Variants in ATP2B2 observed in about 807,000 individuals in gnomAD.
The protein encoded by ATP2B2 is plasma membrane calcium-transporting ATPase 2.
Under a neutral mutation model 120.0 loss-of-function variants are expected in ATP2B2, and 15 were observed. The ratio of observed to expected loss-of-function variants is 0.12; its 90% CI spans 0.08 to 0.19. The LOEUF is 0.19. Among genes scored for constraint, ATP2B2 ranks in the 10% least tolerant of loss-of-function variants. ATP2B2 has a pLI of 1.00. For synonymous variants in ATP2B2, 694 were observed against 700.3 expected, an observed-to-expected ratio of 0.99 and a Z score of 0.14; for missense variants, 1,045 against 1,719.8, an observed-to-expected ratio of 0.61 and a Z score of 6.94.
intron 3 of ATP2B2, among the ~76,000 whole-genome samples, chr3:10,533,297 C>T (rs1313338910): frequency 1.3e-5 from 2 of 152,198 alleles, no homozygotes; most frequent in Non-Finnish European, 2.9e-5. Flanking sequence ...ATGGCTGCCC[C>T]ATTTAACTAA....
intron 12 of ATP2B2, among the ~76,000 whole-genome samples, chr3:10,366,165 G>A (rs1055129455): frequency 2.0e-5 from 3 of 152,154 alleles, no homozygotes; most frequent in Non-Finnish European, 2.9e-5. Context: ...GGGGGACTTT[G>A]AGGCTCACTC....
In ATP2B2 at chr3:10,345,654, C is replaced by A. The variant is rs1290316946; in HGVS notation, c.2512-79G>T. The A allele has an allele frequency of 1.2e-5, 17 of 1,382,890 alleles. No homozygotes were observed. The Admixed American group carries it at 2.7e-4, about 22-fold the overall frequency. The allele number at this position is 1,382,890 out of a possible 1,614,324, so 85.7% of individuals were successfully genotyped here. A position where few individuals can be genotyped will look rare whatever the true frequency, so the allele number is the denominator to read the frequency against. On this transcript the variant is annotated intron_variant, in intron 17 of 22. Transcript: ENST00000360273. ...TCTAGCATCACCATCCTCACTCCCT[C>A]CACTTCCTCAGTCCTACACAACTCC...
intron 8 of ATP2B2, 137 bp from the exon 9 acceptor site, chr3:10,379,421 A>AT: frequency 9.6e-7 from 1 of 1,039,184 alleles, no homozygotes; most frequent in Admixed American, 1.9e-5. Context: ...CTGTGTGGGG[A>AT]TACGGGTTGG....
chr3:10,541,529 T>G (rs1264250239), intron 2 of ATP2B2, among the ~76,000 whole-genome samples: 1 of 152,222 alleles, frequency 6.6e-6, no homozygotes, highest in Non-Finnish European at 1.5e-5. Flanking sequence ...GGCCACAGAT[T>G]ATTTAGATAT....
chr3:10,467,257 T>C (rs944267932), intron 1 of ATP2B2, among the ~76,000 whole-genome samples: 1 of 152,214 alleles, frequency 6.6e-6, no homozygotes, highest in African/African-American at 2.4e-5. Context: ...CTTGTTTTAA[T>C]AATAAAAAAC....
At chr3:10,394,577 T>G (rs765517265) in intron 5 of ATP2B2, 19 of 458,018 alleles carry the variant, frequency 4.1e-5, no homozygotes, top group South Asian at 2.8e-4. Flanking sequence ...AGTAGCAGAC[T>G]GGGCCTTCTG....
chr3:10,495,917 G>T (rs1406994574), intron 1 of ATP2B2, among the ~76,000 whole-genome samples: 1 of 152,232 alleles, frequency 6.6e-6, no homozygotes, highest in Non-Finnish European at 1.5e-5. Flanking sequence ...ACCTGGGGCT[G>T]CCTCCGCCTC....
chr3:10,516,962 A>ATG (rs112098821), intron 3 of ATP2B2, among the ~76,000 whole-genome samples: 12,777 of 149,772 alleles, frequency 0.085, 577 homozygotes, highest in Middle Eastern at 0.15. Context: ...CAATTTTCAG[A>ATG]TGTGTGTGTG....
chr3:10,350,835 C>T (rs931593207), intron 14 of ATP2B2, among the ~76,000 whole-genome samples: 3 of 152,346 alleles, frequency 2.0e-5, no homozygotes, highest in East Asian at 1.9e-4. Context: ...GTCGCTACCA[C>T]CTATTGACCA....
intron 2 of ATP2B2, among the ~76,000 whole-genome samples, chr3:10,434,371 C>T (rs557521753): frequency 1.3e-5 from 2 of 152,284 alleles, no homozygotes; most frequent in South Asian, 4.2e-4. Context: ...CTGGATCATA[C>T]CAGGCCTGCA....
At chr3:10,434,292 A>G (rs1218299225) in intron 2 of ATP2B2, among the ~76,000 whole-genome samples, 2 of 152,240 alleles carry the variant, frequency 1.3e-5, no homozygotes, top group Admixed American at 1.3e-4. Context: ...GGGTTTCTAC[A>G]GATTGGGGAC....
intron 3 of ATP2B2, among the ~76,000 whole-genome samples, chr3:10,517,312 C>A (rs2066896141): frequency 6.6e-6 from 1 of 152,186 alleles, no homozygotes; most frequent in South Asian, 2.1e-4. Flanking sequence ...TTCCCCTTCC[C>A]CCAGCCTGGG....
Position 10,375,792 on chromosome 3 carries a change from C to T in ATP2B2, c.1202-148G>A, listed in dbSNP as rs2061364975. On this transcript the variant is annotated intron_variant, in intron 10 of 22. Coordinates refer to ENST00000360273, the MANE Select transcript of ATP2B2 (RefSeq NM_001001331.4). The surrounding 1 kb of genome is among the most constrained non-coding windows in gnomAD (Gnocchi z 4.2). ...CCACTCCTTGCTTTATGACCTGTGG[C>T]AAGTTCTTGAGACCTTGATCCTCAC... is the stretch of plus-strand genomic sequence containing the variant. 3 of 721,964 alleles carry T rather than the reference C, an allele frequency of 4.2e-6. No individual in the cohort carries two copies. In the South Asian group the frequency reaches 5.0e-5, roughly 12 times the overall value. 44.7% of individuals were successfully genotyped at this position (721,964 alleles called of 1,614,324 possible).
At chr3:10,344,080 C>T (rs1431823596) in intron 18 of ATP2B2, among the ~76,000 whole-genome samples, 2 of 152,260 alleles carry the variant, frequency 1.3e-5, no homozygotes, top group East Asian at 3.9e-4. Context: ...TCTCTCTCAC[C>T]TCCTCCTTGC....
intron 2 of ATP2B2, among the ~76,000 whole-genome samples, chr3:10,541,044 A>C (rs75911548): frequency 0.012 from 1,888 of 152,202 alleles, 45 homozygotes; most frequent in African/African-American, 0.044. Flanking sequence ...TTAAATTTAT[A>C]TGTGCAGAGT....
At chr3:10,448,605 A>G (rs1308550211) in intron 2 of ATP2B2, among the ~76,000 whole-genome samples, 3 of 152,098 alleles carry the variant, frequency 2.0e-5, no homozygotes, top group Non-Finnish European at 2.9e-5. Context: ...GGCCTGCTCA[A>G]TTTTGGCAGT....
chr3:10,402,425 A>C lies in ATP2B2; in HGVS notation c.398-77T>G. On this transcript the variant is annotated intron_variant, in intron 3 of 22. Coordinates refer to ENST00000360273, the MANE Select transcript of ATP2B2 (RefSeq NM_001001331.4). This position sits in a 1 kb window ranked among gnomAD's most constrained non-coding sequence, Gnocchi z 4.9. ...CCTCATGGGCCTGGATTTACAGCTC[A>C]GCTCTGCAAAGTAACAAGTGTTAAG... is the stretch of plus-strand genomic sequence containing the variant. 2.5e-6 allele frequency: 4 copies of C among 1,574,198 alleles called. No homozygotes were observed. Among genetic ancestry groups the C allele is most frequent in the Non-Finnish European group, 3.5e-6 (4 of 1,154,134 alleles).
chr3:10,539,276 T>A (rs1472555381), intron 2 of ATP2B2, among the ~76,000 whole-genome samples: 2 of 152,150 alleles, frequency 1.3e-5, no homozygotes, highest in Non-Finnish European at 1.5e-5. Context: ...AGAATCAATG[T>A]CGTGAAAATG....
chr3:10,699,135 T>C (rs1038134964), intron 1 of ATP2B2, among the ~76,000 whole-genome samples: 4 of 152,234 alleles, frequency 2.6e-5, no homozygotes, highest in Non-Finnish European at 5.9e-5. Context: ...AGGAAGGATT[T>C]CTTTACCTGA....
Sources: gnomAD v4.1 joint callset for allele counts (sites outside exome capture counted in the v4.1 genomes callset) on GRCh38, gnomAD v4.1.1 for gene constraint, Gnocchi (gnomAD v3.1) non-coding constraint, MANE v1.5 for transcripts, NCBI Gene and HGNC (gene_info 2026-07-23, HGNC 2026-07-21) for gene names.